Variants in NF2 observed in about 807,000 individuals in gnomAD.
The protein encoded by NF2 is merlin.
NF2 carries 8 observed loss-of-function variants against 83.7 expected under a neutral mutation model. That is an observed-to-expected ratio of 0.10 (90% CI 0.06 to 0.17). The LOEUF is 0.17. NF2 is among the 10% of genes least tolerant of loss of function. The pLI is 1.00. For synonymous variants in NF2, 266 were observed against 269.6 expected, an observed-to-expected ratio of 0.99 and a Z score of 0.13; for missense variants, 533 against 744.4, an observed-to-expected ratio of 0.72 and a Z score of 3.31.
intron 7 of NF2, among the ~76,000 whole-genome samples, chr22:29,660,281 G>C (rs1361410821): frequency 6.6e-6 from 1 of 152,124 alleles, no homozygotes; most frequent in Non-Finnish European, 1.5e-5. Context: ...GCATAAGTAC[G>C]GCTTTTAGAC....
intron 3 of NF2, among the ~76,000 whole-genome samples, chr22:29,640,768 CGT>C (rs10555211): frequency 0.87 from 130,468 of 149,870 alleles, 56,786 homozygotes; most frequent in East Asian, 0.98. Flanking sequence ...GTCTGGGGGG[CGT>C]GTGTGTGTGT....
At chr22:29,627,637 G>T (rs1476034953) in intron 1 of NF2, among the ~76,000 whole-genome samples, 3 of 152,112 alleles carry the variant, frequency 2.0e-5, no homozygotes, top group Non-Finnish European at 4.4e-5. Flanking sequence ...CTCCCTGCTG[G>T]GTTCCTCCCG....
At chr22:29,676,642 A>G (rs1174472404) in intron 13 of NF2, among the ~76,000 whole-genome samples, 1 of 152,214 alleles carries the variant, frequency 6.6e-6, no homozygotes, top group Non-Finnish European at 1.5e-5. Flanking sequence ...CTCATGGATG[A>G]GTATTTAGTC....
At chr22:29,679,483 C>T (rs572004737) in intron 14 of NF2, among the ~76,000 whole-genome samples, 9 of 152,298 alleles carry the variant, frequency 5.9e-5, no homozygotes, top group Admixed American at 3.9e-4. Flanking sequence ...TCTGTGTCTG[C>T]TATTTTATAG....
chr22:29,604,484 C>T (rs1017174876), intron 1 of NF2, among the ~76,000 whole-genome samples: 1 of 152,180 alleles, frequency 6.6e-6, no homozygotes, highest in Non-Finnish European at 1.5e-5. Context: ...AAAGCCAATA[C>T]TTGTTTCCCT....
chr22:29,615,045 G>A (rs1187899945), intron 1 of NF2, among the ~76,000 whole-genome samples: 1 of 152,102 alleles, frequency 6.6e-6, no homozygotes, highest in Admixed American at 6.6e-5. Context: ...TTAGCCAGCC[G>A]TGGTGGCATG....
chr22:29,639,392 T>C (rs1209038212), intron 3 of NF2, among the ~76,000 whole-genome samples, 180 bp downstream of exon 3: 7 of 152,134 alleles, frequency 4.6e-5, no homozygotes, highest in African/African-American at 1.7e-4. Context: ...ACTTGAGTGA[T>C]GAAAATTGGT....
intron 15 of NF2, among the ~76,000 whole-genome samples, chr22:29,688,298 T>C (rs1408982843): frequency 6.6e-6 from 1 of 152,192 alleles, no homozygotes; most frequent in African/African-American, 2.4e-5. Context: ...GTTCGGCCCC[T>C]CGGCACTGAA....
At chr22:29,644,886 G>A (rs34880116) in intron 4 of NF2, among the ~76,000 whole-genome samples, 48,704 of 151,724 alleles carry the variant, frequency 0.32, 8,034 homozygotes, top group South Asian at 0.49. Flanking sequence ...GTCCAGCTTT[G>A]GCTCGGCATG....
chr22:29,683,783 C>T (rs1239565555), intron 15 of NF2: 12 of 1,062,668 alleles, frequency 1.1e-5, no homozygotes, highest in East Asian at 5.0e-5. Context: ...TGGAGAGGAG[C>T]GGTCACTGGT....
chr22:29,639,529 A>G (rs2065743137), intron 3 of NF2, among the ~76,000 whole-genome samples: 1 of 152,194 alleles, frequency 6.6e-6, no homozygotes, highest in Non-Finnish European at 1.5e-5. Context: ...GTTTCAAAGG[A>G]AGGCTAAAGA....
Position 29,695,630 on chromosome 22 carries a change from G to A in NF2, c.*828G>A, listed in dbSNP as rs1190262624. Reference sequence around the variant, plus strand: ...AGACGCTCCTTCCTGTGTGGGGCTGGGGTACTCCCTGGTCGTACTGCAGTC... The same window carrying A: ...AGACGCTCCTTCCTGTGTGGGGCTGAGGTACTCCCTGGTCGTACTGCAGTC... On this transcript the variant is annotated 3_prime_UTR_variant, in exon 16 of 16. Transcript: ENST00000338641. The surrounding 1 kb of genome is among the most constrained non-coding windows in gnomAD (Gnocchi z 5.4). 4.3e-6 allele frequency: 1 copy of A among 234,188 alleles called. No individual in the cohort carries two copies. The allele number at this position is 234,188 out of a possible 1,614,324, so 14.5% of individuals were successfully genotyped here.
In NF2 at chr22:29,694,786, T is replaced by A; in HGVS notation, c.1772T>A (p.Phe591Tyr). The A allele has an allele frequency of 6.2e-7, 1 of 1,613,636 alleles. No homozygotes were observed. Among genetic ancestry groups the A allele is most frequent in the Non-Finnish European group, 8.5e-7 (1 of 1,179,810 alleles). The change falls in exon 16 of 16, where the codon TTC (phenylalanine) becomes TAC (tyrosine). Residue 591 changes from phenylalanine to tyrosine, a missense_variant. Transcript: ENST00000338641. This position sits in a 1 kb window ranked among gnomAD's most constrained non-coding sequence, Gnocchi z 4.1. ...CAGAGCGCCAAGTCCCGAGTGGCCT[T>A]CTTTGAAGAGCTCTAGCAGGTGACC... ...TLQSAKSRVA[F>Y]FEEL is the part of the protein sequence containing the mutation.
At chr22:29,645,418 A>G (rs1027995461) in intron 4 of NF2, among the ~76,000 whole-genome samples, 1 of 152,160 alleles carries the variant, frequency 6.6e-6, no homozygotes, top group African/African-American at 2.4e-5. Context: ...CCAATATTCT[A>G]CTTTCCTGAA....
chr22:29,655,589 G>A lies in NF2; in HGVS notation c.517-5G>A, dbSNP rs2146971836. On this transcript the variant is annotated splice_polypyrimidine_tract_variant and splice_region_variant and intron_variant, in intron 5 of 15. Coordinates refer to ENST00000338641, the MANE Select transcript of NF2 (RefSeq NM_000268.4). Reference sequence around the variant, plus strand: ...GGTTTTTTATTTTGCTCTATTTTTTGGTAGGTAATAAATCTGTATCAGATG... The same window carrying A: ...GGTTTTTTATTTTGCTCTATTTTTTAGTAGGTAATAAATCTGTATCAGATG... 1 of 1,609,284 alleles carries A rather than the reference G, an allele frequency of 6.2e-7. No individual in the cohort carries two copies. Among genetic ancestry groups the A allele is most frequent in the Non-Finnish European group, 8.5e-7 (1 of 1,175,792 alleles).
At chr22:29,668,838 G>C (rs1418874814) in intron 10 of NF2, among the ~76,000 whole-genome samples, 2 of 152,188 alleles carry the variant, frequency 1.3e-5, no homozygotes, top group Non-Finnish European at 2.9e-5. Context: ...AATGCCAGGT[G>C]GCATTTCAGT....
chr22:29,603,645 G>C lies in NF2; in HGVS notation c.-354G>C, dbSNP rs897542710. 2.5e-6 allele frequency: 1 copy of C among 406,716 alleles called. No homozygotes were observed. Among genetic ancestry groups the C allele is most frequent in the Admixed American group, 4.4e-5 (1 of 22,954 alleles). 25.2% of individuals were successfully genotyped at this position (406,716 alleles called of 1,614,324 possible). On this transcript the variant is annotated 5_prime_UTR_variant, in exon 1 of 16. Coordinates refer to ENST00000338641, the MANE Select transcript of NF2 (RefSeq NM_000268.4). The stretch of plus-strand genomic sequence containing the variant: ...GCAGCGCGGCCCCGTGACCCTAGTC[G>C]GCCGCTGAGAGGCGCGCGGAGTCTG...
intron 2 of NF2, among the ~76,000 whole-genome samples, chr22:29,638,877 TA>T (rs1330180299): frequency 6.6e-6 from 1 of 152,236 alleles, no homozygotes; most frequent in Non-Finnish European, 1.5e-5. Context: ...GGCTATTGAT[TA>T]ATTTGTTTCA....
intron 1 of NF2, among the ~76,000 whole-genome samples, chr22:29,634,456 A>G (rs540695764): frequency 6.6e-6 from 1 of 152,018 alleles, no homozygotes; most frequent in South Asian, 2.1e-4. Context: ...GAGAATTTAA[A>G]CTCCCATGTC....
Sources: gnomAD v4.1 joint callset for allele counts (sites outside exome capture counted in the v4.1 genomes callset) on GRCh38, gnomAD v4.1.1 for gene constraint, Gnocchi (gnomAD v3.1) non-coding constraint, MANE v1.5 for transcripts, NCBI Gene and HGNC (gene_info 2026-07-23, HGNC 2026-07-21) for gene names.